KLRG1: variants seen among roughly 807,000 people sequenced by gnomAD.
The protein encoded by KLRG1 is killer cell lectin-like receptor subfamily G member 1.
Under a neutral mutation model 21.8 loss-of-function variants are expected in KLRG1, and 16 were observed. That is an observed-to-expected ratio of 0.73 (90% CI 0.50 to 1.11). The LOEUF is 1.11. KLRG1 is among the 50% of genes most tolerant of loss of function. The pLI, the probability that KLRG1 is intolerant of heterozygous loss-of-function variation, is 0.00. For missense variants in KLRG1, 173 were observed against 218.3 expected, an observed-to-expected ratio of 0.79 and a Z score of 1.31; for synonymous variants, 69 against 75.9, an observed-to-expected ratio of 0.91 and a Z score of 0.47.
At chr12:9,162,610 C>G in the KLRG1 span, 2 of 1,594,236 alleles carry the variant, frequency 1.3e-6, no homozygotes, top group East Asian at 4.5e-5. Flanking sequence ...AGGCACAGGT[C>G]ATAGAACTGA....
the KLRG1 span, among the ~76,000 whole-genome samples, chr12:9,038,903 CA>C: frequency 0.13 from 17,240 of 136,844 alleles, 1,852 homozygotes; most frequent in African/African-American, 0.31. Context: ...GACTCTGTCT[CA>C]AAAAAAAAAA....
At chr12:9,033,462 CT>C in the KLRG1 span, among the ~76,000 whole-genome samples, 1 of 151,390 alleles carries the variant, frequency 6.6e-6, no homozygotes, top group Admixed American at 6.6e-5. Flanking sequence ...AAGGGGATTA[CT>C]GGGGTATTTC....
At chr12:9,024,843 G>A in the KLRG1 span, among the ~76,000 whole-genome samples, 15 of 152,128 alleles carry the variant, frequency 9.9e-5, no homozygotes, top group African/African-American at 3.6e-4. Context: ...TCCCTTGCTA[G>A]TAATGCTCTC....
chr12:8,977,926 T>A (rs1345087046), intron 1 of KLRG1, among the ~76,000 whole-genome samples: 1 of 152,080 alleles, frequency 6.6e-6, no homozygotes, highest in Non-Finnish European at 1.5e-5. Context: ...TAGCCCCATC[T>A]CAGCTCACTG....
intron 1 of KLRG1, among the ~76,000 whole-genome samples, chr12:8,981,496 T>G (rs1028400902): frequency 6.6e-6 from 1 of 152,216 alleles, no homozygotes; most frequent in South Asian, 2.1e-4. Context: ...TAAAATTATT[T>G]TTTTCTTTTA....
At chr12:9,063,837 C>T in the KLRG1 span, among the ~76,000 whole-genome samples, 3 of 152,118 alleles carry the variant, frequency 2.0e-5, no homozygotes, top group African/African-American at 4.8e-5. Context: ...TTGTGCCTGG[C>T]AGATAGTAGG....
At chr12:9,094,984 A>G in the KLRG1 span, 1 of 1,551,798 alleles carries the variant, frequency 6.4e-7, no homozygotes, top group Non-Finnish European at 8.7e-7. Context: ...ATAAAAACCT[A>G]CACGTAGACC....
At chr12:9,058,323 C>T in the KLRG1 span, 1 of 152,216 alleles carries the variant, frequency 6.6e-6, no homozygotes, top group African/African-American at 2.4e-5. Flanking sequence ...GATTTAATCA[C>T]TGACAACCCT....
At chr12:9,166,003 A>T in the KLRG1 span, 1 of 1,550,690 alleles carries the variant, frequency 6.4e-7, no homozygotes, top group East Asian at 2.3e-5. Context: ...ATGTTGGAGG[A>T]ACCACATTCC....
chr12:9,037,790 A>G, the KLRG1 span, among the ~76,000 whole-genome samples: 3 of 152,198 alleles, frequency 2.0e-5, no homozygotes, highest in South Asian at 2.1e-4. Context: ...ATAATTGCCT[A>G]CAGTAACATG....
the KLRG1 span, chr12:9,095,742 C>T: frequency 9.7e-4 from 283 of 292,756 alleles, no homozygotes; most frequent in Non-Finnish European, 1.2e-3. Context: ...TTATTTGTGA[C>T]TTTTTTTTTT....
intron 1 of KLRG1, among the ~76,000 whole-genome samples, chr12:8,980,005 A>G (rs912023149): frequency 6.6e-6 from 1 of 152,026 alleles, no homozygotes; most frequent in Non-Finnish European, 1.5e-5. Flanking sequence ...GGTTTAAGTG[A>G]TTGTCCTGCC....
chr12:9,162,596 C>G, the KLRG1 span: 2 of 1,581,452 alleles, frequency 1.3e-6, no homozygotes, highest in Non-Finnish European at 1.7e-6. Flanking sequence ...TGGACTCTTA[C>G]CTGAGGCACA....
At chr12:9,076,182 A>T in the KLRG1 span, among the ~76,000 whole-genome samples, 1 of 152,214 alleles carries the variant, frequency 6.6e-6, no homozygotes, top group Non-Finnish European at 1.5e-5. Flanking sequence ...AGGTTATATA[A>T]TGTACCAGGT....
the KLRG1 span, among the ~76,000 whole-genome samples, chr12:9,187,209 C>T: frequency 5.3e-5 from 8 of 152,048 alleles, no homozygotes; most frequent in Non-Finnish European, 8.8e-5. Context: ...TGCTTAGAGA[C>T]CTTCAAAGAG....
At chr12:9,100,427 C>CTTATTTAT in the KLRG1 span, among the ~76,000 whole-genome samples, 10 of 151,528 alleles carry the variant, frequency 6.6e-5, no homozygotes, top group African/African-American at 1.5e-4. Context: ...CCCCTTTGTT[C>CTTATTTAT]TTATTTATTT....
chr12:9,049,784 C>T, the KLRG1 span, among the ~76,000 whole-genome samples: 124 of 152,256 alleles, frequency 8.1e-4, 1 homozygote, highest in African/African-American at 2.9e-3. Flanking sequence ...TCTGCTAAGC[C>T]ATCCAAACAG....
the KLRG1 span, chr12:9,152,257 AC>A: frequency 3.7e-6 from 6 of 1,612,988 alleles, no homozygotes; most frequent in Non-Finnish European, 5.1e-6. Flanking sequence ...AAAACCAGAT[AC>A]CATCTTTACA....
chr12:8,991,415 A>T (rs1946964219), intron 1 of KLRG1, among the ~76,000 whole-genome samples: 1 of 152,206 alleles, frequency 6.6e-6, no homozygotes. Context: ...TTTTTATTTA[A>T]ATTTTATGTA....
Sources: gnomAD v4.1 joint callset for allele counts (sites outside exome capture counted in the v4.1 genomes callset) on GRCh38, gnomAD v4.1.1 for gene constraint, MANE v1.5 for transcripts, NCBI Gene and HGNC (gene_info 2026-07-23, HGNC 2026-07-21) for gene names.